RRAS2: variants seen among roughly 807,000 people sequenced by gnomAD.
RRAS2 encodes the protein RAS related 2.
RRAS2 carries 7 observed loss-of-function variants against 27.6 expected under a neutral mutation model. The observed-to-expected ratio is 0.25, with a 90% CI of 0.14 to 0.48. The LOEUF (loss-of-function observed/expected upper bound fraction) is 0.48. Ranked by LOEUF, RRAS2 falls within the 20% of genes least tolerant of loss-of-function variation. The pLI is 0.99. For synonymous variants in RRAS2, 86 were observed against 90.9 expected, an observed-to-expected ratio of 0.95 and a Z score of 0.31; for missense variants, 178 against 256.2, an observed-to-expected ratio of 0.69 and a Z score of 2.08.
chr11:14,341,898 A>G (rs1356973309), intron 1 of RRAS2: 3 of 447,526 alleles, frequency 6.7e-6, no homozygotes, highest in East Asian at 1.4e-4. Flanking sequence ...CTCCCCCAAC[A>G]CCAAGAGGTA....
At position 14,358,914 on chromosome 11, in the gene RRAS2, G is replaced by A; in HGVS notation, c.-44C>T. The A allele has an allele frequency of 7.6e-7, 1 of 1,311,874 alleles. No individual in the cohort carries two copies. The highest frequency in any genetic ancestry group is 9.8e-7 in the Non-Finnish European group (1 of 1,019,338). 81.3% of individuals were successfully genotyped at this position (1,311,874 alleles called of 1,614,324 possible). ...AGCCTGACTGCGCCGAGCCGCCGCT[G>A]CCGCCCGCCCTAGGCCCGGCTCCGG... On this transcript the variant is annotated 5_prime_UTR_variant, in exon 1 of 6. Transcript: ENST00000256196. This position sits in a 1 kb window ranked among gnomAD's most constrained non-coding sequence, Gnocchi z 5.1.
At chr11:14,295,631 A>C in intron 2 of RRAS2, 137 bp downstream of exon 2, 1 of 624,134 alleles carries the variant, frequency 1.6e-6, no homozygotes, top group East Asian at 2.9e-5. Context: ...CTCTTCAATC[A>C]AAACTTATAA....
At chr11:14,294,893 T>C in intron 2 of RRAS2, 31 bp from the exon 3 acceptor site, 2 of 1,593,828 alleles carry the variant, frequency 1.3e-6, no homozygotes, top group Non-Finnish European at 1.7e-6. Flanking sequence ...GTAATTATAC[T>C]TGTTTTTTAT....
intron 1 of RRAS2, among the ~76,000 whole-genome samples, chr11:14,331,447 T>A (rs913981091): frequency 6.6e-6 from 1 of 151,996 alleles, no homozygotes; most frequent in African/African-American, 2.4e-5. Context: ...CTTATATAAC[T>A]TATCCAAAAA....
chr11:14,360,650 A>G (rs1305349426), upstream of RRAS2, among the ~76,000 whole-genome samples: 3 of 152,134 alleles, frequency 2.0e-5, no homozygotes, highest in African/African-American at 7.2e-5. Context: ...GGCTGGGCGC[A>G]ATGGCTCATG....
chr11:14,305,773 G>T (rs782389105), intron 1 of RRAS2, among the ~76,000 whole-genome samples: 3 of 152,204 alleles, frequency 2.0e-5, no homozygotes, highest in Admixed American at 2.0e-4. Flanking sequence ...GGCCGTGCGC[G>T]ATGGCTCACA....
chr11:14,317,028 T>A (rs1056322751), intron 1 of RRAS2, among the ~76,000 whole-genome samples: 13 of 152,176 alleles, frequency 8.5e-5, no homozygotes, highest in Non-Finnish European at 1.3e-4. Flanking sequence ...AGAAATTTTT[T>A]AATGTGTGCC....
chr11:14,361,324 G>C (rs1269269333), upstream of RRAS2, among the ~76,000 whole-genome samples: 3 of 151,720 alleles, frequency 2.0e-5, no homozygotes, highest in Admixed American at 6.6e-5. Context: ...GGGATTACAG[G>C]CATGAGCCAT....
intron 4 of RRAS2, among the ~76,000 whole-genome samples, chr11:14,286,728 G>A (rs1849668370): frequency 6.6e-6 from 1 of 152,184 alleles, no homozygotes; most frequent in South Asian, 2.1e-4. Flanking sequence ...ATAACGGGCA[G>A]GTTCTACATA....
chr11:14,291,345 A>G (rs1591446672), intron 4 of RRAS2, among the ~76,000 whole-genome samples: 1 of 152,210 alleles, frequency 6.6e-6, no homozygotes. Context: ...AAGTGAGAGT[A>G]GTCAACATGC....
At chr11:14,316,238 A>C (rs554642786) in intron 1 of RRAS2, among the ~76,000 whole-genome samples, 13 of 152,364 alleles carry the variant, frequency 8.5e-5, no homozygotes. Context: ...CATAAATAAA[A>C]ATATAAAATT....
intron 4 of RRAS2, among the ~76,000 whole-genome samples, chr11:14,286,292 G>T (rs1372606985): frequency 6.6e-6 from 1 of 152,058 alleles, no homozygotes; most frequent in African/African-American, 2.4e-5. Context: ...GGACTTTTAC[G>T]TATCAGGTAT....
chr11:14,341,033 T>C (rs1300044615), intron 1 of RRAS2, among the ~76,000 whole-genome samples: 1 of 152,200 alleles, frequency 6.6e-6, no homozygotes, highest in Non-Finnish European at 1.5e-5. Context: ...CACGGCATTT[T>C]TTCTAATCCC....
At position 14,308,117 on chromosome 11, in the gene RRAS2, G is replaced by T. The variant is rs573872611; in HGVS notation, c.109-12262C>A. 9 of 271,572 alleles carry T rather than the reference G, an allele frequency of 3.3e-5. No homozygotes were observed. The Admixed American group carries it at 4.9e-4, about 15-fold the overall frequency. 16.8% of individuals were successfully genotyped at this position (271,572 alleles called of 1,614,324 possible). ...TGCATTAATATACAGCAATCTGCAA[G>T]ATATGTTGTTAAATACCCACAGTTT... is the stretch of plus-strand genomic sequence containing the variant. On this transcript the variant is annotated intron_variant, in intron 1 of 5. Coordinates refer to ENST00000256196, the MANE Select transcript of RRAS2 (RefSeq NM_012250.6).
intron 1 of RRAS2, among the ~76,000 whole-genome samples, chr11:14,321,655 C>G (rs1197827974): frequency 2.0e-5 from 3 of 152,142 alleles, no homozygotes; most frequent in Non-Finnish European, 4.4e-5. Context: ...CTATCCCTGG[C>G]TTGTTGCTGG....
At chr11:14,299,600 C>A (rs1366497515) in intron 1 of RRAS2, among the ~76,000 whole-genome samples, 1 of 152,216 alleles carries the variant, frequency 6.6e-6, no homozygotes, top group African/African-American at 2.4e-5. Context: ...CTCATTCCCA[C>A]TACTTGAAAC....
chr11:14,340,369 G>A (rs1379705178), intron 1 of RRAS2, among the ~76,000 whole-genome samples: 1 of 151,810 alleles, frequency 6.6e-6, no homozygotes, highest in African/African-American at 2.4e-5. Context: ...CCAAAGTGCT[G>A]GAATTACAGG....
At chr11:14,323,584 C>T (rs1848278198) in intron 1 of RRAS2, among the ~76,000 whole-genome samples, 1 of 152,064 alleles carries the variant, frequency 6.6e-6, no homozygotes, top group Admixed American at 6.5e-5. Flanking sequence ...GTTGTAAAAG[C>T]AAGGTCTACC....
intron 4 of RRAS2, among the ~76,000 whole-genome samples, chr11:14,292,590 C>A (rs1554945936): frequency 1.3e-5 from 2 of 151,250 alleles, no homozygotes; most frequent in African/African-American, 2.4e-5. Flanking sequence ...TAAAAAAAAA[C>A]AAAATTAAAT....
Sources: allele counts gnomAD v4.1 joint callset (sites outside exome capture counted in the v4.1 genomes callset), GRCh38; gene constraint gnomAD v4.1.1; non-coding constraint Gnocchi (gnomAD v3.1); transcripts MANE v1.5; gene names NCBI Gene and HGNC (gene_info 2026-07-23, HGNC 2026-07-21).